Variants in ESRRG observed in about 807,000 individuals in gnomAD.
ESRRG encodes the protein estrogen-related receptor gamma.
ESRRG carries 13 observed loss-of-function variants against 44.0 expected under a neutral mutation model. That is an observed-to-expected ratio of 0.30 (90% CI 0.19 to 0.47). The LOEUF is 0.47. Ranked by LOEUF, ESRRG falls within the 20% of genes least tolerant of loss-of-function variation. The pLI, the probability that ESRRG is intolerant of heterozygous loss-of-function variation, is 1.00. For synonymous variants in ESRRG, 215 were observed against 214.6 expected, an observed-to-expected ratio of 1.00 and a Z score of -0.02; for missense variants, 395 against 580.6, an observed-to-expected ratio of 0.68 and a Z score of 3.29.
Position 216,616,373 on chromosome 1 carries a change from C to T in ESRRG, c.589+34600G>A, listed in dbSNP as rs2061429124. ...AGAAAAACGCAGCTTTAGCTAATGT[C>T]CTCTTCACAATTATCTTTCTCAAAT... On this transcript the variant is annotated intron_variant, in intron 3 of 6. Transcript: ENST00000408911. 3.3e-5 allele frequency among the ~76,000 whole-genome samples: 5 copies of T among 152,206 alleles called. No homozygotes were observed. In the South Asian group the frequency reaches 1.0e-3, roughly 32 times the overall value.
At chr1:216,898,096 G>A (rs1336025132) in intron 2 of ESRRG, among the ~76,000 whole-genome samples, 3 of 152,168 alleles carry the variant, frequency 2.0e-5, no homozygotes, top group African/African-American at 7.2e-5. Flanking sequence ...AGACCGGACC[G>A]TTGAGAAGTG....
chr1:216,659,647 A>G (rs10779271), intron 2 of ESRRG, among the ~76,000 whole-genome samples: 51,222 of 152,020 alleles, frequency 0.34, 8,915 homozygotes, highest in East Asian at 0.55. Flanking sequence ...AGAAAGCAGC[A>G]TCCTTTCCTA....
At chr1:216,869,081 CA>C (rs1348825509) in intron 2 of ESRRG, among the ~76,000 whole-genome samples, 1 of 152,074 alleles carries the variant, frequency 6.6e-6, no homozygotes, top group African/African-American at 2.4e-5. Context: ...ACCAATTTAT[CA>C]ATTTTTTGTT....
chr1:216,522,247 C>G (rs1011266032), intron 5 of ESRRG, among the ~76,000 whole-genome samples: 4 of 112,352 alleles, frequency 3.6e-5, no homozygotes, highest in African/African-American at 1.3e-4. Flanking sequence ...GGGGAAGAAA[C>G]AGCTCTCCTT....
At chr1:216,509,048 AT>A (rs1212087245) in intron 6 of ESRRG, among the ~76,000 whole-genome samples, 1 of 152,172 alleles carries the variant, frequency 6.6e-6, no homozygotes, top group Non-Finnish European at 1.5e-5. Flanking sequence ...AAAATAATAC[AT>A]TTACCATTTA....
chr1:216,594,463 G>C (rs1257991174), intron 3 of ESRRG, among the ~76,000 whole-genome samples: 2 of 152,110 alleles, frequency 1.3e-5, no homozygotes, highest in African/African-American at 4.8e-5. Context: ...TGCATGGCCA[G>C]GGATCTACTC....
chr1:217,062,565 C>G (rs1219922591), intron 1 of ESRRG, among the ~76,000 whole-genome samples: 1 of 152,162 alleles, frequency 6.6e-6, no homozygotes. Context: ...CACAAAAATA[C>G]TCCTTGTGAG....
chr1:216,614,439 C>G (rs925490800), intron 3 of ESRRG, among the ~76,000 whole-genome samples: 6 of 152,034 alleles, frequency 3.9e-5, no homozygotes, highest in African/African-American at 1.5e-4. Context: ...AGCCTGTTAG[C>G]TCCAACATGG....
At chr1:216,949,948 G>A (rs897572766) in intron 1 of ESRRG, among the ~76,000 whole-genome samples, 2 of 152,112 alleles carry the variant, frequency 1.3e-5, no homozygotes, top group Non-Finnish European at 2.9e-5. Context: ...AAGTAGCTGG[G>A]ATTATAGGCA....
intron 1 of ESRRG, among the ~76,000 whole-genome samples, chr1:216,716,731 TC>T (rs1437610151): frequency 1.3e-5 from 2 of 151,940 alleles, no homozygotes; most frequent in Non-Finnish European, 2.9e-5. Flanking sequence ...TGAAGTAGGC[TC>T]CCTGTAAGTT....
At chr1:216,543,839 T>C (rs2053635750) in intron 5 of ESRRG, among the ~76,000 whole-genome samples, 1 of 152,068 alleles carries the variant, frequency 6.6e-6, no homozygotes, top group Non-Finnish European at 1.5e-5. Flanking sequence ...ATGAAGAGAT[T>C]ATAAAATCTT....
At chr1:216,883,187 G>T (rs916745389) in intron 2 of ESRRG, among the ~76,000 whole-genome samples, 4 of 151,962 alleles carry the variant, frequency 2.6e-5, no homozygotes, top group Admixed American at 6.6e-5. Context: ...AGACCAGCCT[G>T]GCCAACTTGG....
At chr1:217,090,053 ACT>A (rs967440094), upstream of ESRRG, among the ~76,000 whole-genome samples, 39 of 152,038 alleles carry the variant, frequency 2.6e-4, no homozygotes, top group African/African-American at 9.2e-4. Context: ...AATTCCCGGC[ACT>A]GTCATGATTT....
At chr1:216,988,517 CT>C (rs2075224257) in intron 1 of ESRRG, among the ~76,000 whole-genome samples, 1 of 152,196 alleles carries the variant, frequency 6.6e-6, no homozygotes, top group Non-Finnish European at 1.5e-5. Context: ...CCCTGTCCAA[CT>C]AGCTCTTGGC....
chr1:216,814,987 C>T (rs974811533), intron 2 of ESRRG, among the ~76,000 whole-genome samples: 3 of 152,110 alleles, frequency 2.0e-5, no homozygotes, highest in Admixed American at 6.6e-5. Flanking sequence ...TATTTCTTAC[C>T]ATTATTTTCT....
intron 1 of ESRRG, among the ~76,000 whole-genome samples, chr1:217,009,617 C>T (rs2078244755): frequency 6.6e-6 from 1 of 151,838 alleles, no homozygotes; most frequent in Non-Finnish European, 1.5e-5. Context: ...TGAAAGTTTG[C>T]TTAAGGAACA....
At chr1:217,078,675 C>T (rs902062620) in intron 1 of ESRRG, among the ~76,000 whole-genome samples, 3 of 152,160 alleles carry the variant, frequency 2.0e-5, no homozygotes, top group African/African-American at 4.8e-5. Context: ...CTGTCCTGAC[C>T]TACAGTGTAC....
At chr1:217,060,264 A>G (rs2088076012) in intron 1 of ESRRG, among the ~76,000 whole-genome samples, 1 of 152,132 alleles carries the variant, frequency 6.6e-6, no homozygotes, top group Non-Finnish European at 1.5e-5. Context: ...TCTCACTGCC[A>G]TCCAATCTCC....
intron 1 of ESRRG, among the ~76,000 whole-genome samples, chr1:217,135,419 A>T (rs2093034719): frequency 1.3e-5 from 2 of 152,180 alleles, no homozygotes; most frequent in Non-Finnish European, 2.9e-5. Context: ...AGCGAAATAG[A>T]GAATGAGAAG....
Sources: allele counts gnomAD v4.1 joint callset (sites outside exome capture counted in the v4.1 genomes callset), GRCh38; gene constraint gnomAD v4.1.1; transcripts MANE v1.5; gene names NCBI Gene and HGNC (gene_info 2026-07-23, HGNC 2026-07-21).